The following ITGA8 variants were observed in gnomAD, a reference collection of about 807,000 sequenced individuals.
ITGA8 encodes the protein integrin alpha-8.
A neutral mutation model predicts 142.3 loss-of-function variants in ITGA8; 91 were observed. The observed-to-expected ratio is 0.64, with a 90% CI of 0.54 to 0.76. The LOEUF (loss-of-function observed/expected upper bound fraction) is 0.76. Among genes scored for constraint, ITGA8 ranks in the 30% least tolerant of loss-of-function variants. The pLI, the probability that ITGA8 is intolerant of heterozygous loss-of-function variation, is 0.00. For missense variants in ITGA8, 1,406 were observed against 1,327.7 expected (o/e 1.06, Z -0.92); for synonymous variants, 505 against 485.2 (o/e 1.04, Z -0.54).
At chr10:15,717,496 T>C (rs1835475820) in intron 2 of ITGA8, among the ~76,000 whole-genome samples, 2 of 152,196 alleles carry the variant, frequency 1.3e-5, no homozygotes, top group East Asian at 3.8e-4. Context: ...AAAAGATTTC[T>C]GTCACAAATT....
intron 11 of ITGA8, 110 bp downstream of exon 11, chr10:15,655,244 G>A: frequency 1.5e-6 from 1 of 659,404 alleles, no homozygotes; most frequent in Non-Finnish European, 2.6e-6. Context: ...GAACAAGAGA[G>A]CCTCTATCTT....
At chr10:15,548,602 T>G (rs1373064743) in intron 26 of ITGA8, 34 bp from the exon 27 acceptor site, 1 of 1,368,572 alleles carries the variant, frequency 7.3e-7, no homozygotes, top group South Asian at 1.2e-5. Flanking sequence ...TCAGAGTCTT[T>G]AAATCATGGT....
intron 2 of ITGA8, among the ~76,000 whole-genome samples, chr10:15,698,768 T>C (rs1369531602): frequency 2.0e-5 from 3 of 152,204 alleles, no homozygotes; most frequent in Non-Finnish European, 4.4e-5. Context: ...TGTTTTCTTC[T>C]TGCTGATTTG....
Position 15,550,188 on chromosome 10 carries a change from A to T in ITGA8, c.2767-1620T>A, listed in dbSNP as rs554815478. Reference sequence around the variant, plus strand: ...TTCTCTGCTTGCCTGCCACCATGTAAGATGTGCCTTCTGCCTTTCACCATG... The same window carrying T: ...TTCTCTGCTTGCCTGCCACCATGTATGATGTGCCTTCTGCCTTTCACCATG... On this transcript the variant is annotated intron_variant, in intron 26 of 29. Transcript: ENST00000378076. Among the ~76,000 whole-genome samples, 22 of 152,252 alleles carry T rather than the reference A, an allele frequency of 1.4e-4. No homozygotes were observed. The South Asian group carries it at 4.6e-3, about 32-fold the overall frequency.
At chr10:15,575,668 T>A in intron 23 of ITGA8, 74 bp from the exon 24 acceptor site, 1 of 1,158,456 alleles carries the variant, frequency 8.6e-7, no homozygotes, top group Non-Finnish European at 1.3e-6. Context: ...GACAGTATAC[T>A]AACAGAAGCA....
chr10:15,715,936 AC>A (rs1339319612), intron 2 of ITGA8, among the ~76,000 whole-genome samples: 2 of 152,164 alleles, frequency 1.3e-5, no homozygotes, highest in East Asian at 3.9e-4. Context: ...CTGAGCTGTG[AC>A]CCTGTGGATT....
At chr10:15,695,558 A>T (rs757929979) in intron 2 of ITGA8, among the ~76,000 whole-genome samples, 1 of 152,192 alleles carries the variant, frequency 6.6e-6, no homozygotes, top group Non-Finnish European at 1.5e-5. Flanking sequence ...ACTATGATGC[A>T]TGGAGGATGT....
intron 14 of ITGA8, 103 bp from the exon 15 acceptor site, chr10:15,613,870 T>A (rs1301353512): frequency 1.3e-6 from 1 of 753,556 alleles, no homozygotes; most frequent in Non-Finnish European, 2.3e-6. Flanking sequence ...GACAGAATAC[T>A]CCACAGGCCA....
At chr10:15,705,675 C>T (rs1835244668) in intron 2 of ITGA8, among the ~76,000 whole-genome samples, 1 of 152,226 alleles carries the variant, frequency 6.6e-6, no homozygotes, top group Non-Finnish European at 1.5e-5. Context: ...CACTTACTCT[C>T]TCCCATTGGC....
chr10:15,655,789 A>G (rs1454532026), intron 10 of ITGA8, among the ~76,000 whole-genome samples: 1 of 152,162 alleles, frequency 6.6e-6, no homozygotes, highest in Non-Finnish European at 1.5e-5. Context: ...ATGATGTTGT[A>G]TGAAAATATT....
At chr10:15,593,801 G>A (rs1832964031) in intron 21 of ITGA8, among the ~76,000 whole-genome samples, 3 of 151,084 alleles carry the variant, frequency 2.0e-5, no homozygotes, top group Admixed American at 2.0e-4. Context: ...AGCTGGTATA[G>A]CTAGTATTTA....
intron 8 of ITGA8, among the ~76,000 whole-genome samples, chr10:15,670,624 C>G (rs191944082): frequency 2.0e-5 from 3 of 152,308 alleles, no homozygotes. Context: ...ATATGTGATA[C>G]CATTCTTCCT....
chr10:15,581,773 T>C (rs1309038835), intron 23 of ITGA8, among the ~76,000 whole-genome samples: 4 of 152,246 alleles, frequency 2.6e-5, no homozygotes, highest in Admixed American at 1.3e-4. Context: ...ATTTCAAGCC[T>C]TATTATTATA....
chr10:15,651,249 A>G (rs1038284846), intron 11 of ITGA8, among the ~76,000 whole-genome samples: 2 of 152,198 alleles, frequency 1.3e-5, no homozygotes, highest in Non-Finnish European at 2.9e-5. Flanking sequence ...TACCATCTCC[A>G]TTTGTTGTTA....
rs567428315 is a variant in ITGA8 at position 15,558,179 on chromosome 10, G to A, written c.2661C>T (p.Thr887=). ...DIKPAASPED[T]PELSAFLRNS... ...TTCGCAAAAAGGCGCTGAGCTCAGGGGTGTCCTCTGGGGAGGCAGCAGGCT... is the reference window on the plus strand; with the variant it reads ...TTCGCAAAAAGGCGCTGAGCTCAGGAGTGTCCTCTGGGGAGGCAGCAGGCT... Residue 887 remains threonine, a synonymous_variant, in exon 26 of 30, where the codon ACC becomes ACT. Transcript: ENST00000378076. 9 of 1,614,178 alleles carry A rather than the reference G, an allele frequency of 5.6e-6. No homozygotes were observed. The East Asian group carries it at 2.0e-4, about 36-fold the overall frequency.
chr10:15,588,583 T>A (rs1832871728), intron 22 of ITGA8, among the ~76,000 whole-genome samples: 1 of 152,236 alleles, frequency 6.6e-6, no homozygotes, highest in South Asian at 2.1e-4. Context: ...GTTTGGAAAT[T>A]TAAATATATT....
At chr10:15,689,194 A>G (rs1842300100) in intron 2 of ITGA8, among the ~76,000 whole-genome samples, 1 of 152,222 alleles carries the variant, frequency 6.6e-6, no homozygotes, top group Admixed American at 6.5e-5. Flanking sequence ...TAGCATTTAA[A>G]AAGTACTTAG....
intron 2 of ITGA8, among the ~76,000 whole-genome samples, chr10:15,702,284 C>T (rs1835178415): frequency 6.6e-6 from 1 of 151,816 alleles, no homozygotes; most frequent in Admixed American, 6.6e-5. Context: ...CTGCCCTCCA[C>T]ACCTGAAGAT....
At chr10:15,705,312 A>T (rs1835237950) in intron 2 of ITGA8, among the ~76,000 whole-genome samples, 1 of 152,166 alleles carries the variant, frequency 6.6e-6, no homozygotes, top group Non-Finnish European at 1.5e-5. Context: ...TCAACCTCAG[A>T]TGGTGACTTT....
Sources: gnomAD v4.1 joint callset for allele counts (sites outside exome capture counted in the v4.1 genomes callset) on GRCh38, gnomAD v4.1.1 for gene constraint, MANE v1.5 for transcripts, NCBI Gene and HGNC (gene_info 2026-07-23, HGNC 2026-07-21) for gene names.